The following TSHZ2 variants were observed in gnomAD, a reference collection of about 807,000 sequenced individuals.
The protein encoded by TSHZ2 is teashirt zinc finger homeobox 2, also known as teashirt homolog 2.
Under a neutral mutation model 74.4 loss-of-function variants are expected in TSHZ2, and 21 were observed. That is an observed-to-expected ratio of 0.28 (90% CI 0.20 to 0.41). TSHZ2 has a LOEUF of 0.41. Among genes scored for constraint, TSHZ2 ranks in the 10% least tolerant of loss-of-function variants. The pLI is 1.00. For missense variants in TSHZ2, 1,244 were observed against 1,293.5 expected (o/e 0.96, Z 0.59); for synonymous variants, 540 against 515.3 (o/e 1.05, Z -0.65).
chr20:53,258,075 T>C (rs1990519395), intron 2 of TSHZ2, among the ~76,000 whole-genome samples: 1 of 152,218 alleles, frequency 6.6e-6, no homozygotes, highest in South Asian at 2.1e-4. Context: ...TGAGGCGATC[T>C]ACGCTTCTGA....
chr20:53,247,656 T>C (rs1990238845), intron 1 of TSHZ2, among the ~76,000 whole-genome samples: 1 of 152,186 alleles, frequency 6.6e-6, no homozygotes, highest in Admixed American at 6.5e-5. Flanking sequence ...CGCTGAGAAA[T>C]TCTCACGATC....
At position 53,455,093 on chromosome 20, in the gene TSHZ2, C is replaced by A. The variant is rs540768364; in HGVS notation, c.*9-32051C>A. On this transcript the variant is annotated intron_variant, in intron 2 of 2. Transcript: ENST00000371497. ...ACCTCCCATCTCCTGAGCTGCAGCACCTGATTAAAGCCTTTTTCTCTGGCA... is the reference window on the plus strand; with the variant it reads ...ACCTCCCATCTCCTGAGCTGCAGCAACTGATTAAAGCCTTTTTCTCTGGCA... 5.3e-5 allele frequency among the ~76,000 whole-genome samples: 8 copies of A among 152,012 alleles called. No individual in the cohort carries two copies. In the East Asian group the frequency reaches 1.5e-3, roughly 29 times the overall value.
chr20:53,252,110 C>G (rs955515408), intron 1 of TSHZ2, among the ~76,000 whole-genome samples: 1 of 152,232 alleles, frequency 6.6e-6, no homozygotes. Context: ...TCCTAGGAGA[C>G]AGCAATTGCT....
chr20:53,367,700 A>G (rs1484493433), intron 2 of TSHZ2, among the ~76,000 whole-genome samples: 3 of 151,686 alleles, frequency 2.0e-5, no homozygotes, highest in African/African-American at 7.3e-5. Flanking sequence ...CCTCCCGAGG[A>G]GCTGGGACTA....
chr20:53,183,134 G>C (rs2123517286), intron 1 of TSHZ2, among the ~76,000 whole-genome samples: 1 of 152,272 alleles, frequency 6.6e-6, no homozygotes, highest in South Asian at 2.1e-4. Flanking sequence ...CCCTGGCTGG[G>C]AGACAAAACT....
At chr20:53,159,846 C>A (rs1050401460) in intron 1 of TSHZ2, among the ~76,000 whole-genome samples, 1 of 152,328 alleles carries the variant, frequency 6.6e-6, no homozygotes. Flanking sequence ...GTAATAGCAA[C>A]AGCATGTTCC....
chr20:53,111,984 G>A (rs990499022), intron 1 of TSHZ2, among the ~76,000 whole-genome samples: 4 of 152,182 alleles, frequency 2.6e-5, no homozygotes, highest in African/African-American at 9.6e-5. Flanking sequence ...GATGCTGAGG[G>A]CACGTGTCTA....
chr20:53,190,138 T>TATATATATATATATATA (rs1568803559), intron 1 of TSHZ2, among the ~76,000 whole-genome samples: 60 of 101,678 alleles, frequency 5.9e-4, no homozygotes, highest in Non-Finnish European at 7.5e-4. Flanking sequence ...TATATATATA[T>TATATATATATATATATA]TTTCTTAAAT....
intron 2 of TSHZ2, among the ~76,000 whole-genome samples, chr20:53,367,385 T>G (rs1048712996): frequency 2.5e-4 from 38 of 151,714 alleles, no homozygotes; most frequent in African/African-American, 8.9e-4. Context: ...GCCTGGGTGA[T>G]AAAATGAGAC....
chr20:53,260,152 C>CT lies in TSHZ2; in HGVS notation c.*8+3582dup, dbSNP rs200523250. On this transcript the variant is annotated intron_variant, in intron 2 of 2. Transcript: ENST00000371497. ...TTGTGCTTTTACTATGCACCGGACT[C>CT]TATTATATTTAACAATGGAAGTATA... 3.2e-3 allele frequency among the ~76,000 whole-genome samples: 485 copies of CT among 152,196 alleles called. 11 individuals carry two copies. The East Asian group carries it at 0.046, about 14-fold the overall frequency.
At chr20:52,998,341 G>C (rs961263767) in intron 1 of TSHZ2, among the ~76,000 whole-genome samples, 1 of 152,126 alleles carries the variant, frequency 6.6e-6, no homozygotes, top group Non-Finnish European at 1.5e-5. Context: ...GCTGATTTTT[G>C]TATTTTCAGT....
chr20:53,075,618 G>A (rs959494145), intron 1 of TSHZ2, among the ~76,000 whole-genome samples: 3 of 152,222 alleles, frequency 2.0e-5, no homozygotes, highest in African/African-American at 7.2e-5. Flanking sequence ...TCTAGAAACA[G>A]AAGGCAGCAG....
At chr20:53,425,960 C>CT (rs1339378544) in intron 2 of TSHZ2, among the ~76,000 whole-genome samples, 9 of 152,148 alleles carry the variant, frequency 5.9e-5, no homozygotes, top group Admixed American at 6.5e-5. Flanking sequence ...TAAATTCCCA[C>CT]TTTTCTATCC....
At chr20:53,478,325 T>C (rs1164167843) in intron 2 of TSHZ2, among the ~76,000 whole-genome samples, 2 of 151,716 alleles carry the variant, frequency 1.3e-5, no homozygotes, top group African/African-American at 4.9e-5. Flanking sequence ...TGGAATACTA[T>C]GCAGCCATGA....
intron 2 of TSHZ2, among the ~76,000 whole-genome samples, chr20:53,270,990 C>A (rs1336305462): frequency 2.6e-5 from 4 of 152,160 alleles, no homozygotes; most frequent in Admixed American, 2.0e-4. Flanking sequence ...TGAGCAGTAA[C>A]CATGGAGATG....
intron 1 of TSHZ2, among the ~76,000 whole-genome samples, chr20:52,989,852 A>T (rs1158977158): frequency 6.6e-6 from 1 of 151,258 alleles, no homozygotes; most frequent in East Asian, 1.9e-4. Context: ...ATATTTTGTA[A>T]TTTTTTTTCC....
At position 53,253,993 on chromosome 20, in the gene TSHZ2, C is replaced by G. The variant is rs1600769690; in HGVS notation, c.535C>G (p.Gln179Glu). The change falls in exon 2 of 3, where the codon CAG becomes GAG. Residue 179 changes from glutamine (Q) to glutamate (E), a missense_variant. Physicochemically the swap from Gln to Glu is conservative, Grantham distance 29. Around this residue, in one of 6 missense-constraint regions of TSHZ2, gnomAD observed 470 missense variants for 456.5 expected, o/e 1.03. Transcript: ENST00000371497. Reference protein sequence around the residue: ...HQDALSKSLQQNLPSRSVSKP... With the variant: ...HQDALSKSLQENLPSRSVSKP... ...AGACGCTCTGTCCAAAAGCCTGCAG[C>G]AGAACTTGCCTTCTCGGTCCGTCTC... is the stretch of plus-strand genomic sequence containing the variant. 5 of 1,614,178 alleles carry G rather than the reference C, an allele frequency of 3.1e-6. No homozygotes were observed. In the East Asian group the frequency reaches 1.1e-4, roughly 36 times the overall value.
chr20:53,397,900 C>G (rs922261466), intron 2 of TSHZ2: 10 of 152,102 alleles, frequency 6.6e-5, no homozygotes, highest in African/African-American at 9.7e-5. Flanking sequence ...ACCGCATGTT[C>G]TCTCTCGCTC....
chr20:53,160,856 G>A (rs1293404), intron 1 of TSHZ2, among the ~76,000 whole-genome samples: 64,548 of 151,164 alleles, frequency 0.43, 15,613 homozygotes, highest in African/African-American at 0.67. Flanking sequence ...CATCTTCTTT[G>A]AATGTACATC....
Sources: allele counts gnomAD v4.1 joint callset (sites outside exome capture counted in the v4.1 genomes callset), GRCh38; gene constraint gnomAD v4.1.1; regional missense constraint gnomAD v4.1.1; transcripts MANE v1.5; gene names NCBI Gene and HGNC (gene_info 2026-07-23, HGNC 2026-07-21).